CCDC7: variants seen among roughly 807,000 people sequenced by gnomAD.
CCDC7 encodes coiled-coil domain-containing protein 7.
In CCDC7, 183 loss-of-function variants were observed where a neutral mutation model predicts 196.9. That is an observed-to-expected ratio of 0.93 (90% CI 0.82 to 1.05). The LOEUF (loss-of-function observed/expected upper bound fraction) is 1.05, where lower values mean the gene tolerates loss of function less well. Among genes scored for constraint, CCDC7 ranks in the 50% least tolerant of loss-of-function variants. The pLI, the probability that CCDC7 is intolerant of heterozygous loss-of-function variation, is 0.00. For missense variants in CCDC7, 1,540 were observed against 1,482.2 expected (o/e 1.04, Z -0.64); for synonymous variants, 525 against 484.6 (o/e 1.08, Z -1.10).
intron 28 of CCDC7, 146 bp downstream of exon 29, chr10:32,729,603 CT>C: frequency 2.4e-6 from 1 of 408,268 alleles, no homozygotes; most frequent in Non-Finnish European, 4.3e-6. Flanking sequence ...TAACTTGTTT[CT>C]TTTATAATTA....
chr10:32,527,084 G>T (rs759842287), intron 11 of CCDC7, among the ~76,000 whole-genome samples: 91 of 152,254 alleles, frequency 6.0e-4, no homozygotes, highest in African/African-American at 1.9e-3. Context: ...CTCAAGCTCG[G>T]CCACTAGTAT....
chr10:32,630,129 G>A (rs2064642746), intron 18 of CCDC7, among the ~76,000 whole-genome samples: 1 of 152,082 alleles, frequency 6.6e-6, no homozygotes, highest in Non-Finnish European at 1.5e-5. Flanking sequence ...GTTCTCAGGG[G>A]TATTAGTGCT....
intron 11 of CCDC7, among the ~76,000 whole-genome samples, chr10:32,537,180 T>C (rs1442076982): frequency 6.6e-6 from 1 of 152,224 alleles, no homozygotes; most frequent in Non-Finnish European, 1.5e-5. Flanking sequence ...TTTGACTTTT[T>C]AATAATTGGC....
intron 16 of CCDC7, chr10:32,574,425 T>A: frequency 3.2e-6 from 5 of 1,582,442 alleles, no homozygotes; most frequent in Non-Finnish European, 4.3e-6. Flanking sequence ...GGGTTACTTC[T>A]TAGATGCTAA....
chr10:32,825,414 C>T (rs2090962905), intron 32 of CCDC7, among the ~76,000 whole-genome samples: 1 of 152,244 alleles, frequency 6.6e-6, no homozygotes, highest in East Asian at 1.9e-4. Context: ...GACAGAAAAA[C>T]GTGAAAAGAC....
intron 41 of CCDC7, among the ~76,000 whole-genome samples, chr10:32,860,468 G>A (rs2093938405): frequency 1.3e-5 from 2 of 152,136 alleles, no homozygotes; most frequent in South Asian, 4.1e-4. Flanking sequence ...CACTGAATGG[G>A]CAAAAACTGG....
At chr10:32,759,401 G>T (rs1410233247) in intron 28 of CCDC7, among the ~76,000 whole-genome samples, 3 of 152,124 alleles carry the variant, frequency 2.0e-5, no homozygotes, top group South Asian at 4.1e-4. Context: ...CAGAGATATG[G>T]ACCAATGGAA....
chr10:32,501,950 T>G (rs2044119457), intron 9 of CCDC7, among the ~76,000 whole-genome samples: 2 of 152,188 alleles, frequency 1.3e-5, no homozygotes, highest in East Asian at 3.8e-4. Context: ...CAGTCGCCCC[T>G]TCCCCCAGGT....
intron 30 of CCDC7, among the ~76,000 whole-genome samples, chr10:32,814,080 C>T (rs914707465): frequency 6.6e-6 from 1 of 152,148 alleles, no homozygotes; most frequent in Admixed American, 6.6e-5. Context: ...GCCTCAGCCT[C>T]CCAAGTAGCT....
chr10:32,845,905 A>C, exon 36 of CCDC7: 1 of 1,612,088 alleles, frequency 6.2e-7, no homozygotes, highest in Non-Finnish European at 8.5e-7. Context: ...GGCAGATGCT[A>C]TTGGAAGAGG....
chr10:32,492,039 T>A (rs2042228468), intron 9 of CCDC7, 42 bp downstream of exon 10: 2 of 1,484,022 alleles, frequency 1.3e-6, no homozygotes, highest in Non-Finnish European at 8.9e-7. Flanking sequence ...TTTCTATTTT[T>A]AAAAAAAGAC....
At chr10:32,876,557 C>T (rs1366283924), downstream of CCDC7, 3 of 552,912 alleles carry the variant, frequency 5.4e-6, no homozygotes, top group Admixed American at 3.8e-5. Flanking sequence ...AGGCCCAGAT[C>T]ACAGAAGGCC....
chr10:32,556,290 G>T (rs576900456), intron 13 of CCDC7, among the ~76,000 whole-genome samples: 1 of 152,018 alleles, frequency 6.6e-6, no homozygotes, highest in Non-Finnish European at 1.5e-5. Context: ...AAAAAGAGAC[G>T]CCATATAATT....
chr10:32,677,042 A>C (rs2075104659), intron 21 of CCDC7, among the ~76,000 whole-genome samples: 1 of 151,640 alleles, frequency 6.6e-6, no homozygotes, highest in Admixed American at 6.6e-5. Context: ...GCCATAAAAA[A>C]TGATGAGTTC....
chr10:32,561,828 CA>C (rs1197954386), intron 13 of CCDC7, among the ~76,000 whole-genome samples: 1 of 151,438 alleles, frequency 6.6e-6, no homozygotes, highest in Non-Finnish European at 1.5e-5. Flanking sequence ...AATAGAGACA[CA>C]AAAAACCCTT....
At chr10:32,666,935 C>T (rs1288719481) in intron 21 of CCDC7, among the ~76,000 whole-genome samples, 8 of 152,036 alleles carry the variant, frequency 5.3e-5, no homozygotes. Context: ...GTTCTAGATC[C>T]TTGAAGAATT....
chr10:32,574,521 T>C (rs2057969465), intron 16 of CCDC7: 16 of 1,494,638 alleles, frequency 1.1e-5, no homozygotes, highest in Non-Finnish European at 1.4e-5. Context: ...CCTGAGCAGA[T>C]ACATGGTATT....
intron 41 of CCDC7, among the ~76,000 whole-genome samples, chr10:32,861,726 A>AG (rs2093992567): frequency 4.6e-5 from 1 of 21,766 alleles, no homozygotes; most frequent in Non-Finnish European, 4.5e-3. Flanking sequence ...ATTTACAAGA[A>AG]AAAAAAATCC....
At chr10:32,662,715 G>A (rs938201409) in intron 20 of CCDC7, among the ~76,000 whole-genome samples, 17 of 152,274 alleles carry the variant, frequency 1.1e-4, no homozygotes, top group Non-Finnish European at 2.4e-4. Context: ...TTGGCAGTAG[G>A]TTCTTTTGTC....
Sources: gnomAD v4.1 joint callset for allele counts (sites outside exome capture counted in the v4.1 genomes callset) on GRCh38, gnomAD v4.1.1 for gene constraint, MANE v1.5 for transcripts, NCBI Gene and HGNC (gene_info 2026-07-23, HGNC 2026-07-21) for gene names.